Variants in MGAT4C observed in about 807,000 individuals in gnomAD.
The protein encoded by MGAT4C is MGAT4 family member C.
A neutral mutation model predicts 40.1 loss-of-function variants in MGAT4C; 19 were observed. That is an observed-to-expected ratio of 0.47 (90% confidence interval 0.33 to 0.70). The LOEUF is 0.70. Among genes scored for constraint, MGAT4C ranks in the 30% least tolerant of loss-of-function variants. The pLI, the probability that MGAT4C is intolerant of heterozygous loss-of-function variation, is 0.02. For missense variants in MGAT4C, 491 were observed against 563.2 expected (o/e 0.87, Z 1.30); for synonymous variants, 181 against 187.1 (o/e 0.97, Z 0.27).
chr12:86,059,322 A>G (rs1893707743), intron 1 of MGAT4C, among the ~76,000 whole-genome samples: 1 of 152,176 alleles, frequency 6.6e-6, no homozygotes, highest in Non-Finnish European at 1.5e-5. Flanking sequence ...GATTACAGGC[A>G]TGAGCCACCG....
intron 1 of MGAT4C, among the ~76,000 whole-genome samples, chr12:86,111,562 A>G (rs1237659486): frequency 6.6e-6 from 1 of 151,992 alleles, no homozygotes; most frequent in East Asian, 1.9e-4. Context: ...ATTTTAAACA[A>G]AAGTACTAAA....
chr12:86,766,256 C>G (rs955469389), intron 1 of MGAT4C, among the ~76,000 whole-genome samples: 5 of 151,738 alleles, frequency 3.3e-5, no homozygotes, highest in Non-Finnish European at 5.9e-5. Context: ...CAACAAAGAT[C>G]AAAAGAGACA....
intron 3 of MGAT4C, among the ~76,000 whole-genome samples, chr12:86,368,945 T>C (rs969685180): frequency 2.0e-5 from 3 of 152,028 alleles, no homozygotes; most frequent in African/African-American, 7.2e-5. Context: ...CTGCCTGATA[T>C]GTCTATTATT....
rs578007637 is a variant in MGAT4C, at chr12:86,104,197, C to T, written c.-56-54474G>A. 1.1e-4 allele frequency among the ~76,000 whole-genome samples: 16 copies of T among 150,162 alleles called. 1 individual carries two copies. The South Asian group carries it at 1.9e-3, about 18-fold the overall frequency. ...CAGCACTTTGGGAGGCTGAGGTGGGCGGATTGCTTGAGCCCAGGAGATACA... is the reference window on the plus strand; with the variant it reads ...CAGCACTTTGGGAGGCTGAGGTGGGTGGATTGCTTGAGCCCAGGAGATACA... On this transcript the variant is annotated intron_variant, in intron 1 of 4. Transcript: ENST00000611864.
At chr12:86,306,457 G>T (rs543999855) in intron 4 of MGAT4C, among the ~76,000 whole-genome samples, 7 of 150,454 alleles carry the variant, frequency 4.7e-5, no homozygotes, top group African/African-American at 1.7e-4. Context: ...AAGAATACAT[G>T]TAGTATACTT....
intron 2 of MGAT4C, among the ~76,000 whole-genome samples, chr12:86,562,461 G>A (rs1328914200): frequency 1.3e-5 from 2 of 152,038 alleles, no homozygotes; most frequent in Non-Finnish European, 2.9e-5. Context: ...AGAGGAAAAA[G>A]CCTCCTCACT....
chr12:86,185,137 T>A (rs1391055615), intron 1 of MGAT4C, among the ~76,000 whole-genome samples: 1 of 152,138 alleles, frequency 6.6e-6, no homozygotes, highest in African/African-American at 2.4e-5. Flanking sequence ...CCAATTAGAT[T>A]TTTAAACAAA....
At chr12:86,452,532 G>C (rs1299683323) in intron 2 of MGAT4C, among the ~76,000 whole-genome samples, 2 of 151,884 alleles carry the variant, frequency 1.3e-5, no homozygotes, top group African/African-American at 2.4e-5. Flanking sequence ...CTATGCATTT[G>C]TGTTTTAGGG....
chr12:86,275,416 G>T (rs1953049960), intron 4 of MGAT4C, among the ~76,000 whole-genome samples: 1 of 152,164 alleles, frequency 6.6e-6, no homozygotes, highest in Non-Finnish European at 1.5e-5. Context: ...ATGAAATAAT[G>T]AATGTTAAGC....
chr12:86,817,517 TA>T (rs1454896092), intron 1 of MGAT4C, among the ~76,000 whole-genome samples: 1 of 151,546 alleles, frequency 6.6e-6, no homozygotes, highest in Non-Finnish European at 1.5e-5. Flanking sequence ...TTGTCTCACT[TA>T]TTTTTTTCTA....
chr12:86,050,513 G>A (rs1230408655), intron 1 of MGAT4C, among the ~76,000 whole-genome samples: 1 of 151,830 alleles, frequency 6.6e-6, no homozygotes, highest in East Asian at 1.9e-4. Context: ...GCTACTTTGG[G>A]CTATTTAAGT....
chr12:86,466,072 G>T (rs2136299594), intron 2 of MGAT4C, among the ~76,000 whole-genome samples: 1 of 152,154 alleles, frequency 6.6e-6, no homozygotes, highest in East Asian at 1.9e-4. Context: ...AGCCAGGCGT[G>T]GTGGCAGGCG....
chr12:86,713,343 G>T (rs1000704579), intron 2 of MGAT4C, among the ~76,000 whole-genome samples: 1 of 152,002 alleles, frequency 6.6e-6, no homozygotes, highest in African/African-American at 2.4e-5. Flanking sequence ...TGTTCAAACA[G>T]CTGTTGAACA....
intron 1 of MGAT4C, among the ~76,000 whole-genome samples, chr12:86,146,375 A>T: frequency 6.6e-6 from 1 of 152,200 alleles, no homozygotes; most frequent in Non-Finnish European, 1.5e-5. Context: ...TAAGAGATAC[A>T]CATACCATTC....
chr12:86,267,928 T>C (rs534175198), intron 4 of MGAT4C, among the ~76,000 whole-genome samples: 4 of 152,120 alleles, frequency 2.6e-5, no homozygotes, highest in Non-Finnish European at 4.4e-5. Context: ...CTTACCAAAA[T>C]ATGACTAACA....
intron 3 of MGAT4C, among the ~76,000 whole-genome samples, chr12:86,359,241 G>A (rs117273849): frequency 0.085 from 12,904 of 152,154 alleles, 763 homozygotes; most frequent in Middle Eastern, 0.22. Flanking sequence ...GGTACCTAAT[G>A]AAATGAAGGC....
chr12:86,295,249 C>T (rs979229720), intron 4 of MGAT4C, among the ~76,000 whole-genome samples: 2 of 152,148 alleles, frequency 1.3e-5, no homozygotes, highest in African/African-American at 2.4e-5. Flanking sequence ...TCTTAAAATT[C>T]GATTTCCAAA....
chr12:86,350,988 T>A (rs1447398001), intron 3 of MGAT4C, among the ~76,000 whole-genome samples: 2 of 151,746 alleles, frequency 1.3e-5, no homozygotes, highest in Non-Finnish European at 2.9e-5. Context: ...TCTATATATA[T>A]AAACCCAGTT....
intron 2 of MGAT4C, among the ~76,000 whole-genome samples, chr12:86,505,510 T>C (rs570796010): frequency 6.6e-6 from 1 of 152,334 alleles, no homozygotes; most frequent in East Asian, 1.9e-4. Flanking sequence ...TCTTTCAAAG[T>C]TCAGCACTTC....
Sources: allele counts gnomAD v4.1 joint callset (sites outside exome capture counted in the v4.1 genomes callset), GRCh38; gene constraint gnomAD v4.1.1; transcripts MANE v1.5; gene names NCBI Gene and HGNC (gene_info 2026-07-23, HGNC 2026-07-21).